The following KIAA1958 variants were observed in gnomAD, a reference collection of about 807,000 sequenced individuals.
The protein encoded by KIAA1958 is uncharacterized protein KIAA1958.
A neutral mutation model predicts 47.2 loss-of-function variants in KIAA1958; 14 were observed. That is an observed-to-expected ratio of 0.30 (90% CI 0.20 to 0.46). The LOEUF (loss-of-function observed/expected upper bound fraction) is 0.46. KIAA1958 is among the 20% of genes least tolerant of loss of function. KIAA1958 has a pLI of 1.00. For synonymous variants in KIAA1958, 354 were observed against 353.3 expected, an observed-to-expected ratio of 1.00 and a Z score of -0.02; for missense variants, 803 against 909.2, an observed-to-expected ratio of 0.88 and a Z score of 1.50.
At chr9:112,489,494 T>C (rs932341208) in intron 1 of KIAA1958, among the ~76,000 whole-genome samples, 4 of 150,290 alleles carry the variant, frequency 2.7e-5, no homozygotes, top group Non-Finnish European at 5.9e-5. Flanking sequence ...TTTTGACTGA[T>C]AGGTAGATAA....
At chr9:112,508,038 T>A (rs906643619) in intron 1 of KIAA1958, among the ~76,000 whole-genome samples, 2 of 152,170 alleles carry the variant, frequency 1.3e-5, no homozygotes, top group Non-Finnish European at 2.9e-5. Flanking sequence ...ATACAACCTA[T>A]AATTTTGTAT....
At chr9:112,593,463 C>G (rs943026695) in intron 2 of KIAA1958, among the ~76,000 whole-genome samples, 1 of 152,226 alleles carries the variant, frequency 6.6e-6, no homozygotes, top group African/African-American at 2.4e-5. Flanking sequence ...GCTTAGATTA[C>G]TGGTCTAAAA....
intron 2 of KIAA1958, among the ~76,000 whole-genome samples, chr9:112,640,083 C>T (rs1402076801): frequency 1.3e-5 from 2 of 152,130 alleles, no homozygotes; most frequent in Admixed American, 1.3e-4. Context: ...TTCATTTGGT[C>T]TTGTTTTATG....
chr9:112,583,184 A>T (rs963425812), intron 2 of KIAA1958, among the ~76,000 whole-genome samples: 2 of 152,234 alleles, frequency 1.3e-5, no homozygotes, highest in Non-Finnish European at 2.9e-5. Flanking sequence ...CTTGCTTTCC[A>T]GGTTTACATT....
At chr9:112,596,075 G>A (rs990959357) in intron 2 of KIAA1958, among the ~76,000 whole-genome samples, 6 of 152,046 alleles carry the variant, frequency 3.9e-5, no homozygotes, top group African/African-American at 1.2e-4. Context: ...ATGAGCCACC[G>A]CACCCAGCCG....
chr9:112,513,591 GC>G (rs2132783533), intron 1 of KIAA1958, among the ~76,000 whole-genome samples: 1 of 131,964 alleles, frequency 7.6e-6, no homozygotes, highest in East Asian at 2.2e-4. Context: ...ACGAAGCGGA[GC>G]CGCTGCCGCG....
chr9:112,512,186 A>G (rs1446504995), intron 1 of KIAA1958, among the ~76,000 whole-genome samples: 1 of 152,238 alleles, frequency 6.6e-6, no homozygotes, highest in Non-Finnish European at 1.5e-5. Context: ...TATAGGCACC[A>G]TAACCAGGCA....
At chr9:112,658,687 T>C (rs760386267) in intron 3 of KIAA1958, among the ~76,000 whole-genome samples, 88 of 152,102 alleles carry the variant, frequency 5.8e-4, no homozygotes, top group Non-Finnish European at 1.1e-3. Context: ...AGACCAGGCG[T>C]GGTGGCTGAC....
intron 2 of KIAA1958, among the ~76,000 whole-genome samples, chr9:112,604,173 A>T (rs1836184746): frequency 6.6e-6 from 1 of 152,180 alleles, no homozygotes; most frequent in South Asian, 2.1e-4. Flanking sequence ...ATACTGCACT[A>T]ATTATGTGTT....
chr9:112,645,179 C>T (rs1836955709), intron 2 of KIAA1958, among the ~76,000 whole-genome samples: 1 of 151,704 alleles, frequency 6.6e-6, no homozygotes, highest in Non-Finnish European at 1.5e-5. Context: ...TCAAGGCTGC[C>T]CATGATGGCA....
intron 1 of KIAA1958, among the ~76,000 whole-genome samples, chr9:112,498,200 A>G (rs904600550): frequency 2.6e-5 from 4 of 152,162 alleles, no homozygotes; most frequent in African/African-American, 9.7e-5. Context: ...TGAATTTACC[A>G]TATAACTAAA....
Position 112,512,780 on chromosome 9 carries a change from C to T in KIAA1958, c.-25+25662C>T, listed in dbSNP as rs540977775. 6.9e-4 allele frequency among the ~76,000 whole-genome samples: 105 copies of T among 151,628 alleles called. 1 individual carries two copies. Among genetic ancestry groups the T allele is most frequent in the African/African-American group, 2.3e-3 (97 of 41,296 alleles). On this transcript the variant is annotated intron_variant, in intron 1 of 3. Transcript: ENST00000337530. ...TGATGAGTGCAATGACAGGAAAGCA[C>T]GGGGGACTTGAGGTGCAGAGGAAGA...
chr9:112,654,257 A>T (rs1356870799), intron 3 of KIAA1958, among the ~76,000 whole-genome samples: 1 of 152,192 alleles, frequency 6.6e-6, no homozygotes, highest in Non-Finnish European at 1.5e-5. Flanking sequence ...AAGATTTTCT[A>T]CTCAGCACCC....
chr9:112,557,238 G>A (rs987431749), intron 1 of KIAA1958, among the ~76,000 whole-genome samples: 7 of 152,064 alleles, frequency 4.6e-5, no homozygotes, highest in Non-Finnish European at 1.0e-4. Context: ...GGAATTACAG[G>A]AACCACCACA....
intron 1 of KIAA1958, among the ~76,000 whole-genome samples, chr9:112,523,422 G>A (rs1215823076): frequency 6.7e-6 from 1 of 149,038 alleles, no homozygotes; most frequent in Non-Finnish European, 1.5e-5. Context: ...CTGCACTCCA[G>A]CCTGAGTGAC....
intron 3 of KIAA1958, among the ~76,000 whole-genome samples, chr9:112,646,486 A>G (rs1836977494): frequency 6.6e-6 from 1 of 152,246 alleles, no homozygotes; most frequent in Non-Finnish European, 1.5e-5. Flanking sequence ...TGAAAGTGGT[A>G]TTTTAGGGAA....
intron 3 of KIAA1958, among the ~76,000 whole-genome samples, chr9:112,655,594 G>A (rs926704163): frequency 3.9e-5 from 6 of 152,232 alleles, no homozygotes; most frequent in African/African-American, 1.2e-4. Flanking sequence ...GCAGTGAAAG[G>A]AAAGTGACTT....
chr9:112,534,534 A>G (rs527784573), intron 1 of KIAA1958, among the ~76,000 whole-genome samples: 1 of 148,530 alleles, frequency 6.7e-6, no homozygotes, highest in African/African-American at 2.5e-5. Flanking sequence ...TGGGATATTC[A>G]TCTTTTTCTT....
intron 2 of KIAA1958, among the ~76,000 whole-genome samples, chr9:112,585,496 C>CTG (rs1835808980): frequency 1.3e-5 from 2 of 152,198 alleles, no homozygotes; most frequent in Admixed American, 1.3e-4. Flanking sequence ...CTGTGAAAGG[C>CTG]TGTGCATGTG....
Sources: allele counts gnomAD v4.1 joint callset (sites outside exome capture counted in the v4.1 genomes callset), GRCh38; gene constraint gnomAD v4.1.1; transcripts MANE v1.5; gene names NCBI Gene and HGNC (gene_info 2026-07-23, HGNC 2026-07-21).